FIG4: variants seen among roughly 807,000 people sequenced by gnomAD.
FIG4 encodes FIG4 phosphoinositide 5-phosphatase, also known as polyphosphoinositide phosphatase.
Under a neutral mutation model 118.6 loss-of-function variants are expected in FIG4, and 112 were observed. The ratio of observed to expected loss-of-function variants is 0.94; its 90% confidence interval spans 0.81 to 1.11. The LOEUF is 1.11. FIG4 is among the 50% of genes least tolerant of loss of function. The probability of loss-of-function intolerance (pLI) is 0.00; values close to 1 mark genes in which losing one functional copy is unlikely to be tolerated. For synonymous variants in FIG4, 369 were observed against 381.2 expected, an observed-to-expected ratio of 0.97 and a Z score of 0.37; for missense variants, 969 against 1,111.7, an observed-to-expected ratio of 0.87 and a Z score of 1.83.
chr6:109,764,921 TTTTG>T lies in FIG4; in HGVS notation c.1435-88_1435-85del, dbSNP rs1777234263. On this transcript the variant is annotated intron_variant, in intron 13 of 22. Transcript: ENST00000230124. ...TTTTTGTTTTTGTTTTTGTTTTTGTTTTTGTTTTTGTTTCTTAAAGAAATCTAAA... is the reference window on the plus strand; with the variant it reads ...TTTTTGTTTTTGTTTTTGTTTTTGTTTTTTTGTTTCTTAAAGAAATCTAAA... The T allele has an allele frequency of 8.2e-6, 10 of 1,223,208 alleles. No individual in the cohort carries two copies. In the South Asian group the frequency reaches 1.1e-4, roughly 14 times the overall value. 75.8% of individuals were successfully genotyped at this position (1,223,208 alleles called of 1,614,324 possible). A position where few individuals can be genotyped will look rare whatever the true frequency, so the allele number is the denominator to read the frequency against.
chr6:109,718,515 T>G (rs1392324612), intron 3 of FIG4, among the ~76,000 whole-genome samples: 1 of 152,216 alleles, frequency 6.6e-6, no homozygotes, highest in Non-Finnish European at 1.5e-5. Context: ...TCCTTGGAGT[T>G]TGCTTTTCTA....
rs1353571171 is a variant in FIG4 at position 109,765,020 on chromosome 6, T to A, written c.1442T>A (p.Ile481Asn). Residue 481 changes from isoleucine to asparagine, a missense_variant, in exon 14 of 23, where the codon ATC (isoleucine) becomes AAC (asparagine). Around this residue, in one of 3 missense-constraint regions of FIG4, gnomAD observed 246 missense variants for 354.3 expected, o/e 0.69. Transcript: ENST00000230124. ...VIPTGRLQTGILRTNCVDCLD... is the reference protein window; with the variant it reads ...VIPTGRLQTGNLRTNCVDCLD... ...TAAGGTATTTCTCTTTAGACTGGCA[T>A]CCTTCGAACCAACTGTGTGGACTGT... The A allele has an allele frequency of 6.2e-7, 1 of 1,613,858 alleles. No homozygotes were observed. The highest frequency in any genetic ancestry group is 8.5e-7 in the Non-Finnish European group (1 of 1,179,848).
intron 14 of FIG4, 63 bp downstream of exon 14, chr6:109,765,224 A>G: frequency 7.1e-7 from 1 of 1,415,014 alleles, no homozygotes; most frequent in Non-Finnish European, 1.0e-6. Flanking sequence ...GGTTACTAAT[A>G]AGATTTTTTT....
At chr6:109,778,757 C>A (rs537331176) in intron 16 of FIG4, among the ~76,000 whole-genome samples, 1 of 152,142 alleles carries the variant, frequency 6.6e-6, no homozygotes, top group Non-Finnish European at 1.5e-5. Context: ...CACCACCATG[C>A]CCAGCTAATT....
chr6:109,710,565 G>A (rs922449046), intron 1 of FIG4, among the ~76,000 whole-genome samples: 4 of 152,250 alleles, frequency 2.6e-5, no homozygotes, highest in Admixed American at 2.6e-4. Context: ...CTAGAATTCA[G>A]CTTGGAATCT....
chr6:109,716,776 A>G (rs1480562623), intron 3 of FIG4, among the ~76,000 whole-genome samples: 3 of 152,214 alleles, frequency 2.0e-5, no homozygotes, highest in Non-Finnish European at 2.9e-5. Flanking sequence ...GCTCAGTTTT[A>G]TTTAGGATAC....
At chr6:109,726,926 A>G (rs1373338752) in intron 3 of FIG4, among the ~76,000 whole-genome samples, 183 bp from the exon 4 acceptor site, 1 of 152,118 alleles carries the variant, frequency 6.6e-6, no homozygotes, top group Non-Finnish European at 1.5e-5. Context: ...TTTTTAAGTG[A>G]GGTAAATGTC....
At chr6:109,756,267 C>G (rs112052206) in intron 10 of FIG4, among the ~76,000 whole-genome samples, 24 of 152,182 alleles carry the variant, frequency 1.6e-4, no homozygotes, top group Non-Finnish European at 1.5e-5. Context: ...TATTGGCCCC[C>G]ACTCTCTTCT....
intron 10 of FIG4, among the ~76,000 whole-genome samples, chr6:109,750,909 AT>A (rs1776674846): frequency 6.6e-6 from 1 of 152,176 alleles, no homozygotes. Context: ...TTTGAGAAAA[AT>A]TTCAGATATA....
intron 16 of FIG4, among the ~76,000 whole-genome samples, chr6:109,780,066 T>C (rs1381211570): frequency 6.6e-6 from 1 of 152,226 alleles, no homozygotes; most frequent in Non-Finnish European, 1.5e-5. Flanking sequence ...CTGGGTGACC[T>C]TGGGCAAGTC....
At chr6:109,757,923 A>T (rs1218101101) in intron 10 of FIG4, among the ~76,000 whole-genome samples, 2 of 152,216 alleles carry the variant, frequency 1.3e-5, no homozygotes, top group African/African-American at 4.8e-5. Context: ...GGACCTCTTC[A>T]AGGAGAACTA....
intron 1 of FIG4, among the ~76,000 whole-genome samples, chr6:109,705,483 A>G (rs927130744): frequency 6.6e-6 from 1 of 152,072 alleles, no homozygotes; most frequent in African/African-American, 2.4e-5. Context: ...TTGAGAAGAG[A>G]GAGAATGCGG....
At chr6:109,815,503 C>A (rs1035184590) in intron 22 of FIG4, among the ~76,000 whole-genome samples, 13 of 130,252 alleles carry the variant, frequency 1.0e-4, no homozygotes, top group Non-Finnish European at 4.9e-5. Context: ...CTGCCCCCCC[C>A]ACCCCCCCGT....
intron 3 of FIG4, among the ~76,000 whole-genome samples, chr6:109,717,025 T>A (rs910507939): frequency 6.6e-6 from 1 of 151,256 alleles, no homozygotes; most frequent in African/African-American, 2.4e-5. Context: ...TTTTTTTTTT[T>A]AACTCACTGA....
intron 20 of FIG4, among the ~76,000 whole-genome samples, chr6:109,792,220 T>C (rs566516393): frequency 6.6e-6 from 1 of 152,378 alleles, no homozygotes; most frequent in Non-Finnish European, 1.5e-5. Context: ...TCATTGTATG[T>C]GACTACGTTT....
chr6:109,806,296 G>A (rs183850549), intron 22 of FIG4, among the ~76,000 whole-genome samples: 11 of 152,280 alleles, frequency 7.2e-5, no homozygotes, highest in Admixed American at 6.5e-4. Context: ...CCTTGGATAT[G>A]TTTCCCTGCA....
Sources: gnomAD v4.1 joint callset for allele counts (sites outside exome capture counted in the v4.1 genomes callset) on GRCh38, gnomAD v4.1.1 for gene constraint, gnomAD v4.1.1 regional missense constraint, MANE v1.5 for transcripts, NCBI Gene and HGNC (gene_info 2026-07-23, HGNC 2026-07-21) for gene names.